Variants in HSD11B2 observed in about 807,000 individuals in gnomAD.
HSD11B2 encodes 11-beta-hydroxysteroid dehydrogenase type 2.
HSD11B2 carries 17 observed loss-of-function variants against 20.9 expected under a neutral mutation model. That is an observed-to-expected ratio of 0.81 (90% CI 0.56 to 1.22). The LOEUF (loss-of-function observed/expected upper bound fraction) is 1.22, where lower values mean the gene tolerates loss of function less well. HSD11B2 is among the 50% of genes most tolerant of loss of function. The probability of loss-of-function intolerance (pLI) is 0.00; values close to 1 mark genes in which losing one functional copy is unlikely to be tolerated. For missense variants in HSD11B2, 480 were observed against 563.6 expected (o/e 0.85, Z 1.50); for synonymous variants, 253 against 255.4 (o/e 0.99, Z 0.09).
At position 67,437,134 on chromosome 16, in the gene HSD11B2, T is replaced by C. The variant is rs1481391484; in HGVS notation, c.*131T>C. On this transcript the variant is annotated 3_prime_UTR_variant, in exon 5 of 5. Transcript: ENST00000326152. ...CTGGCCTAAAGAATCCCACCCCCACTTCATGCCCACTGCCGATGCCCAATC... is the reference window on the plus strand; with the variant it reads ...CTGGCCTAAAGAATCCCACCCCCACCTCATGCCCACTGCCGATGCCCAATC... 1 of 988,722 alleles carries C rather than the reference T, an allele frequency of 1.0e-6. No individual in the cohort carries two copies. The highest frequency in any genetic ancestry group is 1.5e-6 in the Non-Finnish European group (1 of 674,714). 61.2% of individuals were successfully genotyped at this position (988,722 alleles called of 1,614,324 possible). A position where few individuals can be genotyped will look rare whatever the true frequency, so the allele number is the denominator to read the frequency against.
chr16:67,434,955 G>A (rs1214385579), intron 1 of HSD11B2, among the ~76,000 whole-genome samples: 2 of 151,944 alleles, frequency 1.3e-5, no homozygotes, highest in Non-Finnish European at 2.9e-5. Context: ...CTTGAACCCG[G>A]GAGGCAGAGG....
intron 1 of HSD11B2, among the ~76,000 whole-genome samples, chr16:67,434,074 A>G (rs1200003355): frequency 4.6e-5 from 7 of 152,172 alleles, no homozygotes; most frequent in Non-Finnish European, 1.0e-4. Context: ...GGACCCCTAC[A>G]CTGGCTCTGC....
Position 67,431,161 on chromosome 16 carries a change from CCG to C in HSD11B2, c.-86_-85del. 1.4e-6 allele frequency: 1 copy of C among 739,730 alleles called. No individual in the cohort carries two copies. The highest frequency in any genetic ancestry group is 1.7e-6 in the Non-Finnish European group (1 of 583,518). The allele number at this position is 739,730 out of a possible 1,614,324, so 45.8% of individuals were successfully genotyped here. A position where few individuals can be genotyped will look rare whatever the true frequency, so the allele number is the denominator to read the frequency against. ...TCTCGCGCCCCAGGCCGGTGTACCC[CCG>C]CACTCCGCGCCCCGGCCTAGAAGCT... On this transcript the variant is annotated 5_prime_UTR_variant, in exon 1 of 5. Transcript: ENST00000326152.
chr16:67,436,776 G>T lies in HSD11B2; in HGVS notation c.991G>T (p.Ala331Ser). Residue 331 changes from alanine (A) to serine (S), a missense_variant, in exon 5 of 5, where the codon GCA (alanine) becomes TCA (serine). Around this residue, in one of 2 missense-constraint regions of HSD11B2, gnomAD observed 374 missense variants for 480.9 expected, o/e 0.78. Transcript: ENST00000326152. This position sits in a 1 kb window ranked among gnomAD's most constrained non-coding sequence, Gnocchi z 5.7. ...VVDAITDALL[A>S]ARPRRRYYPG... is the part of the protein sequence containing the mutation. ...AGATGCCATCACAGATGCGCTGCTG[G>T]CAGCTCGGCCCCGCCGCCGCTATTA... is the stretch of plus-strand genomic sequence containing the variant. The T allele has an allele frequency of 1.2e-6, 2 of 1,613,800 alleles. No homozygotes were observed. The highest frequency in any genetic ancestry group is 2.2e-5 in the South Asian group (2 of 91,090).
chr16:67,435,022 C>T (rs1405671672), intron 1 of HSD11B2, among the ~76,000 whole-genome samples: 2 of 149,956 alleles, frequency 1.3e-5, no homozygotes, highest in African/African-American at 4.9e-5. Context: ...GAGTGAGACT[C>T]CGTCTCAAAC....
upstream of HSD11B2, among the ~76,000 whole-genome samples, chr16:67,430,239 G>A (rs2040919916): frequency 6.6e-6 from 1 of 152,122 alleles, no homozygotes; most frequent in African/African-American, 2.4e-5. This position sits in a 1 kb window ranked among gnomAD's most constrained non-coding sequence, Gnocchi z 5.4. Context: ...TTACCCCCTG[G>A]GGGTTCAGGG....
chr16:67,436,601 C>G lies in HSD11B2; in HGVS notation c.816C>G (p.Asn272Lys). 1.2e-6 allele frequency: 2 copies of G among 1,614,152 alleles called. No individual in the cohort carries two copies. Among genetic ancestry groups the G allele is most frequent in the Non-Finnish European group, 1.7e-6 (2 of 1,180,018 alleles). ...PGCFKTESVR[N>K]VGQWEKRKQL... ...CTCCTTCCCCAGAGTCAGTGAGAAA[C>G]GTGGGTCAGTGGGAAAAGCGCAAGC... Residue 272 changes from asparagine (N) to lysine (K), a missense_variant, in exon 5 of 5, where the codon AAC becomes AAG. Coordinates refer to ENST00000326152, the MANE Select transcript of HSD11B2 (RefSeq NM_000196.4). The surrounding 1 kb of genome is among the most constrained non-coding windows in gnomAD (Gnocchi z 5.7).
chr16:67,433,336 T>G (rs1180378553), intron 1 of HSD11B2, among the ~76,000 whole-genome samples: 7 of 152,048 alleles, frequency 4.6e-5, no homozygotes, highest in Non-Finnish European at 1.0e-4. Flanking sequence ...CCCCTCTCCC[T>G]CCTAAGAATG....
rs1293274311 is a variant in HSD11B2, at chr16:67,435,985, C to A, written c.507C>A (p.Gly169=). The A allele has an allele frequency of 6.2e-7, 1 of 1,614,226 alleles. No homozygotes were observed. Among genetic ancestry groups the A allele is most frequent in the Non-Finnish European group, 8.5e-7 (1 of 1,180,046 alleles). Residue 169 remains glycine, a synonymous_variant, in exon 3 of 5, where the codon GGC becomes GGA. Coordinates refer to ENST00000326152, the MANE Select transcript of HSD11B2 (RefSeq NM_000196.4). ...TGLWGLVNNA[G]HNEVVADAEL... ...TGTGGGGCCTCGTCAACAACGCAGGCCACAATGAAGTAGTTGCTGATGCGG... is the reference window on the plus strand; with the variant it reads ...TGTGGGGCCTCGTCAACAACGCAGGACACAATGAAGTAGTTGCTGATGCGG...
intron 1 of HSD11B2, 106 bp downstream of exon 1, chr16:67,431,619 G>T (rs72649093): frequency 1.8e-6 from 2 of 1,116,332 alleles, no homozygotes; most frequent in Non-Finnish European, 2.2e-6. Context: ...GCTCCTCAGC[G>T]CAAGAGTGGG....
chr16:67,431,544 T>C, intron 1 of HSD11B2, 31 bp downstream of exon 1: 10 of 1,335,448 alleles, frequency 7.5e-6, no homozygotes, highest in African/African-American at 1.5e-5. Flanking sequence ...GCGCGGGGAC[T>C]CCAGGCTCGA....
rs779034293 is a variant in HSD11B2, at chr16:67,436,116, G to A, written c.638G>A (p.Arg213His). The A allele has an allele frequency of 3.1e-6, 5 of 1,613,794 alleles. No homozygotes were observed. The highest frequency in any genetic ancestry group is 1.3e-5 in the African/African-American group (1 of 74,928). The change falls in exon 3 of 5, where the codon CGC (arginine) becomes CAC (histidine). Residue 213 changes from arginine to histidine, a missense_variant. By Grantham distance (29) the Arg-to-His change is conservative. Transcript: ENST00000326152. The surrounding 1 kb of genome is among the most constrained non-coding windows in gnomAD (Gnocchi z 5.7). ...CCCCTGCTGCGCAGCTCAAGGGGCCGCATCGTGACTGTGGGGAGCCCAGCG... is the reference window on the plus strand; with the variant it reads ...CCCCTGCTGCGCAGCTCAAGGGGCCACATCGTGACTGTGGGGAGCCCAGCG... ...LLPLLRSSRG[R>H]IVTVGSPAGD...
At chr16:67,433,525 G>A (rs761570577) in intron 1 of HSD11B2, among the ~76,000 whole-genome samples, 6 of 152,074 alleles carry the variant, frequency 3.9e-5, no homozygotes, top group African/African-American at 2.4e-5. Flanking sequence ...ATCTGAGGGT[G>A]TGCACGTGAG....
chr16:67,431,210 C>A lies in HSD11B2; in HGVS notation c.-39C>A. 1.8e-6 allele frequency: 2 copies of A among 1,124,400 alleles called. No individual in the cohort carries two copies. The highest frequency in any genetic ancestry group is 2.2e-6 in the Non-Finnish European group (2 of 912,884). 69.7% of individuals were successfully genotyped at this position (1,124,400 alleles called of 1,614,324 possible). On this transcript the variant is annotated 5_prime_UTR_variant, in exon 1 of 5. Transcript: ENST00000326152. ...AGCTCTCTCTCCCCGCTCCCCGGCC[C>A]GGCCCCCGCCCCGCCCCGCCCCAGC...
Position 67,437,235 on chromosome 16 carries a change from G to A in HSD11B2, c.*232G>A, listed in dbSNP as rs1567531278. Reference sequence around the variant, plus strand: ...GTTTCATGAGCCCAAACACCCTCCTGGCACAACGCTCTACCCTGCAGCTTG... The same window carrying A: ...GTTTCATGAGCCCAAACACCCTCCTAGCACAACGCTCTACCCTGCAGCTTG... On this transcript the variant is annotated 3_prime_UTR_variant, in exon 5 of 5. Transcript: ENST00000326152. The A allele has an allele frequency of 3.3e-6, 2 of 597,216 alleles. No homozygotes were observed. Among genetic ancestry groups the A allele is most frequent in the East Asian group, 5.6e-5 (2 of 36,028 alleles). The allele number at this position is 597,216 out of a possible 1,614,324, so 37.0% of individuals were successfully genotyped here.
At chr16:67,435,524 G>T (rs530477495) in intron 1 of HSD11B2, 104 bp from the exon 2 acceptor site, 2 of 871,236 alleles carry the variant, frequency 2.3e-6, no homozygotes, top group Non-Finnish European at 3.8e-6. Flanking sequence ...CTGGTGGCTT[G>T]GTTTGCAGGG....
In HSD11B2 at chr16:67,431,244, C is replaced by A; in HGVS notation, c.-5C>A. On this transcript the variant is annotated 5_prime_UTR_variant, in exon 1 of 5. Coordinates refer to ENST00000326152, the MANE Select transcript of HSD11B2 (RefSeq NM_000196.4). Reference sequence around the variant, plus strand: ...CCCCGCCCCGCCCCAGCCCGCTGGGCCGCCATGGAGCGCTGGCCTTGGCCG... The same window carrying A: ...CCCCGCCCCGCCCCAGCCCGCTGGGACGCCATGGAGCGCTGGCCTTGGCCG... 1 of 1,208,712 alleles carries A rather than the reference C, an allele frequency of 8.3e-7. No homozygotes were observed. The highest frequency in any genetic ancestry group is 1.0e-6 in the Non-Finnish European group (1 of 969,936). 74.9% of individuals were successfully genotyped at this position (1,208,712 alleles called of 1,614,324 possible).
intron 1 of HSD11B2, among the ~76,000 whole-genome samples, chr16:67,432,262 G>A (rs1275907997): frequency 6.6e-6 from 1 of 151,550 alleles, no homozygotes; most frequent in African/African-American, 2.4e-5. Flanking sequence ...AAGGGGAAGG[G>A]GGGGGGGGGC....
Position 67,431,312 on chromosome 16 carries a change from C to T in HSD11B2, c.64C>T (p.Gln22Ter). 1 of 1,260,984 alleles carries T rather than the reference C, an allele frequency of 7.9e-7. No homozygotes were observed. Among genetic ancestry groups the T allele is most frequent in the South Asian group, 2.1e-5 (1 of 47,976 alleles). 78.1% of individuals were successfully genotyped at this position (1,260,984 alleles called of 1,614,324 possible). Reference protein sequence around the residue: ...WLLVAARALLQLLRSDLRLGR... With the variant: ...WLLVAARALL Reference sequence around the variant, plus strand: ...GCTCGTGGCTGCCCGCGCGCTGCTGCAGCTGCTGCGCTCAGACCTGCGTCT... The same window carrying T: ...GCTCGTGGCTGCCCGCGCGCTGCTGTAGCTGCTGCGCTCAGACCTGCGTCT... Residue 22 changes from glutamine to a stop codon, truncating the protein, a stop_gained, in exon 1 of 5, where the codon CAG becomes TAG. Coordinates refer to ENST00000326152, the MANE Select transcript of HSD11B2 (RefSeq NM_000196.4). LOFTEE classifies it high-confidence loss of function.
Sources: gnomAD v4.1 joint callset for allele counts (sites outside exome capture counted in the v4.1 genomes callset) on GRCh38, gnomAD v4.1.1 for gene constraint, gnomAD v4.1.1 regional missense constraint, Gnocchi (gnomAD v3.1) non-coding constraint, MANE v1.5 for transcripts, NCBI Gene and HGNC (gene_info 2026-07-23, HGNC 2026-07-21) for gene names.